The following KCNIP4 variants were observed in gnomAD, a reference collection of about 807,000 sequenced individuals.
KCNIP4 encodes Kv channel-interacting protein 4.
KCNIP4 carries 12 observed loss-of-function variants against 34.0 expected under a neutral mutation model. The ratio of observed to expected loss-of-function variants is 0.35; its 90% CI spans 0.23 to 0.57. The LOEUF (loss-of-function observed/expected upper bound fraction) is 0.57. Among genes scored for constraint, KCNIP4 ranks in the 20% least tolerant of loss-of-function variants. KCNIP4 has a pLI of 0.83. For missense variants in KCNIP4, 238 were observed against 311.7 expected (o/e 0.76, Z 1.78); for synonymous variants, 124 against 102.2 (o/e 1.21, Z -1.29).
chr4:21,415,598 A>C (rs1377099126), intron 1 of KCNIP4, among the ~76,000 whole-genome samples: 1 of 151,794 alleles, frequency 6.6e-6, no homozygotes, highest in South Asian at 2.1e-4. Context: ...ACTATTCAGG[A>C]GGCTGAGGCA....
chr4:21,053,640 C>T (rs1293513036), intron 1 of KCNIP4, among the ~76,000 whole-genome samples: 2 of 152,148 alleles, frequency 1.3e-5, no homozygotes, highest in Non-Finnish European at 2.9e-5. Flanking sequence ...AAAACAACTC[C>T]TGGAACTAAG....
At chr4:21,116,702 C>T (rs1749707467) in intron 1 of KCNIP4, among the ~76,000 whole-genome samples, 2 of 152,120 alleles carry the variant, frequency 1.3e-5, no homozygotes, top group Admixed American at 6.5e-5. Flanking sequence ...AGTAGACTAC[C>T]AGCAGATTAT....
At chr4:20,992,347 C>T (rs1309631892) in intron 1 of KCNIP4, among the ~76,000 whole-genome samples, 1 of 152,122 alleles carries the variant, frequency 6.6e-6, no homozygotes, top group African/African-American at 2.4e-5. Context: ...AGAACTCACT[C>T]ATTATCATGA....
chr4:21,002,536 A>G (rs891716078), intron 1 of KCNIP4, among the ~76,000 whole-genome samples: 28 of 152,312 alleles, frequency 1.8e-4, no homozygotes, highest in Admixed American at 7.2e-4. Context: ...GGTGTTTAAG[A>G]AAACTGAGAA....
chr4:21,231,354 G>A (rs1487974726), intron 1 of KCNIP4, among the ~76,000 whole-genome samples: 1 of 152,004 alleles, frequency 6.6e-6, no homozygotes, highest in Non-Finnish European at 1.5e-5. Flanking sequence ...TTGTATCTAT[G>A]TATGTTCCTC....
intron 1 of KCNIP4, among the ~76,000 whole-genome samples, chr4:20,987,909 G>A (rs1736721686): frequency 6.8e-6 from 1 of 147,664 alleles, no homozygotes; most frequent in African/African-American, 2.5e-5. Context: ...GCTGAGGCAG[G>A]AGTACCTCGT....
chr4:21,702,999 AT>A (rs1560645338), intron 1 of KCNIP4, among the ~76,000 whole-genome samples: 1 of 148,464 alleles, frequency 6.7e-6, no homozygotes, highest in East Asian at 1.9e-4. Flanking sequence ...ACAAAAAAAA[AT>A]CACATGATTA....
chr4:20,925,394 A>G (rs191094048), intron 1 of KCNIP4, among the ~76,000 whole-genome samples: 10 of 152,320 alleles, frequency 6.6e-5, no homozygotes, highest in African/African-American at 2.2e-4. Context: ...AGGTTGCAGT[A>G]AAGAAGCCAG....
intron 1 of KCNIP4, among the ~76,000 whole-genome samples, chr4:21,588,165 A>G (rs2109087013): frequency 6.6e-6 from 1 of 152,178 alleles, no homozygotes; most frequent in East Asian, 1.9e-4. Context: ...AAAACAAAAT[A>G]ACTACCAACA....
intron 1 of KCNIP4, among the ~76,000 whole-genome samples, chr4:20,984,846 T>C (rs1736428248): frequency 6.6e-6 from 1 of 152,168 alleles, no homozygotes; most frequent in Admixed American, 6.5e-5. Context: ...ACTTCCCTGA[T>C]GATAAAAACA....
intron 1 of KCNIP4, among the ~76,000 whole-genome samples, chr4:21,343,031 T>C (rs1716914778): frequency 6.6e-6 from 1 of 152,082 alleles, no homozygotes; most frequent in African/African-American, 2.4e-5. Context: ...TCCACTTCCA[T>C]AAGAAAATGC....
chr4:21,707,360 AT>A (rs1167147756), intron 1 of KCNIP4, among the ~76,000 whole-genome samples: 20 of 152,216 alleles, frequency 1.3e-4, no homozygotes, highest in African/African-American at 4.6e-4. Flanking sequence ...AAAACAAAAC[AT>A]CCTGGAGGGC....
chr4:21,377,319 G>A (rs898404108), intron 1 of KCNIP4, among the ~76,000 whole-genome samples: 1 of 152,106 alleles, frequency 6.6e-6, no homozygotes, highest in Non-Finnish European at 1.5e-5. Flanking sequence ...ATGCCAACAA[G>A]CCTTGAAAAC....
intron 1 of KCNIP4, chr4:20,983,769 TA>T: frequency 6.7e-7 from 1 of 1,487,788 alleles, no homozygotes; most frequent in Non-Finnish European, 9.1e-7. Flanking sequence ...TATCTACTTC[TA>T]AACCAGACCT....
chr4:21,594,334 A>G (rs919413063), intron 1 of KCNIP4, among the ~76,000 whole-genome samples: 5 of 152,196 alleles, frequency 3.3e-5, no homozygotes, highest in African/African-American at 2.4e-5. Flanking sequence ...TTAATGAACA[A>G]CAACAAAAGC....
At chr4:21,303,599 G>T (rs950229667) in intron 1 of KCNIP4, among the ~76,000 whole-genome samples, 1 of 152,126 alleles carries the variant, frequency 6.6e-6, no homozygotes, top group African/African-American at 2.4e-5. Flanking sequence ...GTTTCTCCTA[G>T]TTTTAACATT....
intron 1 of KCNIP4, among the ~76,000 whole-genome samples, chr4:20,886,404 GA>G (rs1725317430): frequency 6.6e-6 from 1 of 152,222 alleles, no homozygotes; most frequent in South Asian, 2.1e-4. Flanking sequence ...CCAGGGTTAA[GA>G]GAGAATTGAT....
intron 1 of KCNIP4, among the ~76,000 whole-genome samples, chr4:21,062,675 A>T (rs1179466611): frequency 6.6e-6 from 1 of 151,520 alleles, no homozygotes; most frequent in Non-Finnish European, 1.5e-5. Flanking sequence ...TTTTTGTTTG[A>T]CCCTGAAGCC....
intron 1 of KCNIP4, among the ~76,000 whole-genome samples, chr4:21,603,030 T>C (rs1743324667): frequency 6.6e-6 from 1 of 152,174 alleles, no homozygotes; most frequent in South Asian, 2.1e-4. Context: ...GGCAGTTTTA[T>C]CCAATATATT....
Sources: allele counts gnomAD v4.1 joint callset (sites outside exome capture counted in the v4.1 genomes callset), GRCh38; gene constraint gnomAD v4.1.1; transcripts MANE v1.5; gene names NCBI Gene and HGNC (gene_info 2026-07-23, HGNC 2026-07-21).